NUBPL: variants seen among roughly 807,000 people sequenced by gnomAD.
NUBPL encodes iron-sulfur cluster transfer protein NUBPL.
NUBPL carries 31 observed loss-of-function variants against 45.7 expected under a neutral mutation model. The observed-to-expected ratio is 0.68, with a 90% CI of 0.51 to 0.92. NUBPL has a LOEUF of 0.92. Ranked by LOEUF, NUBPL falls within the 40% of genes least tolerant of loss-of-function variation. NUBPL has a pLI of 0.00. For synonymous variants in NUBPL, 144 were observed against 140.9 expected, an observed-to-expected ratio of 1.02 and a Z score of -0.15; for missense variants, 401 against 398.7, an observed-to-expected ratio of 1.01 and a Z score of -0.05.
intron 3 of NUBPL, among the ~76,000 whole-genome samples, chr14:31,575,486 C>T (rs1247028285): frequency 6.6e-6 from 1 of 152,146 alleles, no homozygotes; most frequent in Non-Finnish European, 1.5e-5. Flanking sequence ...AGCACGGTGT[C>T]TGGCATACAG....
chr14:31,776,831 C>G (rs936645429), intron 6 of NUBPL, among the ~76,000 whole-genome samples: 1 of 152,112 alleles, frequency 6.6e-6, no homozygotes, highest in African/African-American at 2.4e-5. Context: ...GATAGTAGAC[C>G]TTGGTTAGAG....
In NUBPL at chr14:31,615,211, G is replaced by A. The variant is rs540091894; in HGVS notation, c.382+15832G>A. Among the ~76,000 whole-genome samples the A allele has an allele frequency of 3.1e-4, 47 of 152,160 alleles. 1 individual carries two copies. In the South Asian group the frequency reaches 8.9e-3, roughly 29 times the overall value. ...TCTCTCTCCTGCCACCAAGTAAGAC[G>A]TGCCTTGCTTCCACTTTGCCTTCCA... On this transcript the variant is annotated intron_variant, in intron 4 of 10. Transcript: ENST00000281081.
intron 6 of NUBPL, among the ~76,000 whole-genome samples, chr14:31,680,439 T>C (rs994984225): frequency 3.3e-5 from 5 of 152,148 alleles, no homozygotes; most frequent in African/African-American, 9.7e-5. Flanking sequence ...ATCATAAATG[T>C]TGAATTTTTT....
chr14:31,605,651 C>A (rs774558550), intron 4 of NUBPL, among the ~76,000 whole-genome samples: 12 of 152,140 alleles, frequency 7.9e-5, no homozygotes, highest in Non-Finnish European at 1.3e-4. Context: ...GAGCAAATGA[C>A]CTTTTATAAT....
intron 6 of NUBPL, among the ~76,000 whole-genome samples, chr14:31,732,609 C>CTTTTTTTTTTTTT (rs71986817): frequency 6.2e-5 from 5 of 81,042 alleles, no homozygotes; most frequent in Non-Finnish European, 1.1e-4. Context: ...AATTTGTTCT[C>CTTTTTTTTTTTTT]TTTTTTTTTT....
chr14:31,609,076 T>G (rs960802492), intron 4 of NUBPL, among the ~76,000 whole-genome samples: 2 of 152,084 alleles, frequency 1.3e-5, no homozygotes, highest in Non-Finnish European at 2.9e-5. Flanking sequence ...GAATAAGTCT[T>G]TATTTATTAG....
At chr14:31,771,075 T>G (rs888739477) in intron 6 of NUBPL, among the ~76,000 whole-genome samples, 2 of 152,190 alleles carry the variant, frequency 1.3e-5, no homozygotes, top group Non-Finnish European at 2.9e-5. Flanking sequence ...AAATGATTAC[T>G]CCATGTAATT....
chr14:31,626,598 T>C (rs551977023), intron 4 of NUBPL, among the ~76,000 whole-genome samples: 1 of 152,346 alleles, frequency 6.6e-6, no homozygotes, highest in East Asian at 1.9e-4. Flanking sequence ...TTAGAGAATA[T>C]GTAAGATGGT....
intron 6 of NUBPL, among the ~76,000 whole-genome samples, chr14:31,741,504 G>A (rs1025457539): frequency 5.9e-5 from 9 of 152,220 alleles, no homozygotes; most frequent in South Asian, 2.1e-4. Flanking sequence ...CTTTGTAAGG[G>A]TAGAGTACTC....
At chr14:31,824,808 C>A (rs1179504001) in intron 7 of NUBPL, among the ~76,000 whole-genome samples, 1 of 152,050 alleles carries the variant, frequency 6.6e-6, no homozygotes, top group Non-Finnish European at 1.5e-5. Context: ...CCACTTGATA[C>A]CAATTTAACA....
chr14:31,637,234 A>G (rs1433276928), intron 4 of NUBPL, among the ~76,000 whole-genome samples: 6 of 152,310 alleles, frequency 3.9e-5, no homozygotes, highest in Non-Finnish European at 8.8e-5. Context: ...TTAGTGCTAT[A>G]AATTTCCCTC....
chr14:31,636,451 G>C (rs1406127843), intron 4 of NUBPL, among the ~76,000 whole-genome samples: 1 of 151,476 alleles, frequency 6.6e-6, no homozygotes, highest in Non-Finnish European at 1.5e-5. Flanking sequence ...CCACTTGATC[G>C]TGGTAGATAA....
intron 6 of NUBPL, among the ~76,000 whole-genome samples, chr14:31,746,021 C>A (rs970511096): frequency 6.6e-6 from 1 of 151,954 alleles, no homozygotes; most frequent in African/African-American, 2.4e-5. Flanking sequence ...AAAAGCTGCC[C>A]CTCACCCCGC....
chr14:31,777,770 G>C (rs533774718), intron 6 of NUBPL, among the ~76,000 whole-genome samples: 3 of 152,334 alleles, frequency 2.0e-5, no homozygotes, highest in African/African-American at 7.2e-5. Context: ...TATTTACCCA[G>C]ATACAGCAGC....
chr14:31,759,225 A>C (rs1014356365), intron 6 of NUBPL, among the ~76,000 whole-genome samples: 2 of 151,848 alleles, frequency 1.3e-5, no homozygotes, highest in African/African-American at 4.8e-5. Flanking sequence ...TTTTTTCTTT[A>C]TTTAATACAG....
At chr14:31,730,357 G>C (rs1382594757) in intron 6 of NUBPL, among the ~76,000 whole-genome samples, 1 of 152,060 alleles carries the variant, frequency 6.6e-6, no homozygotes, top group Non-Finnish European at 1.5e-5. Context: ...TAGTTTGCTT[G>C]AACCACAAAA....
intron 6 of NUBPL, among the ~76,000 whole-genome samples, chr14:31,733,684 T>G (rs1001550432): frequency 6.6e-6 from 1 of 152,216 alleles, no homozygotes; most frequent in Non-Finnish European, 1.5e-5. Context: ...TTTCTGTAGA[T>G]TCCATAGGAT....
At chr14:31,811,749 T>C (rs191348392) in intron 7 of NUBPL, among the ~76,000 whole-genome samples, 23 of 152,302 alleles carry the variant, frequency 1.5e-4, no homozygotes, top group African/African-American at 5.5e-4. Flanking sequence ...TCTCCATCTT[T>C]GTGGTTTTAT....
At position 31,561,434 on chromosome 14, in the gene NUBPL, C is replaced by A. The variant is rs774502027; in HGVS notation, c.-6C>A. The stretch of plus-strand genomic sequence containing the variant: ...CCCAGCAGGGCTCACAGCAGCGTTC[C>A]GCGTCATGGGGATTTGGCAGCGTCT... On this transcript the variant is annotated 5_prime_UTR_variant, in exon 1 of 11. Transcript: ENST00000281081. 1 of 1,398,416 alleles carries A rather than the reference C, an allele frequency of 7.2e-7. No homozygotes were observed. The highest frequency in any genetic ancestry group is 1.8e-5 in the South Asian group (1 of 55,354). The allele number at this position is 1,398,416 out of a possible 1,614,324, so 86.6% of individuals were successfully genotyped here.
Sources: gnomAD v4.1 joint callset for allele counts (sites outside exome capture counted in the v4.1 genomes callset) on GRCh38, gnomAD v4.1.1 for gene constraint, MANE v1.5 for transcripts, NCBI Gene and HGNC (gene_info 2026-07-23, HGNC 2026-07-21) for gene names.